The following EPHA6 variants were observed in gnomAD, a reference collection of about 807,000 sequenced individuals.
EPHA6 encodes ephrin type-A receptor 6.
EPHA6 carries 50 observed loss-of-function variants against 112.0 expected under a neutral mutation model. The observed-to-expected ratio is 0.45, with a 90% CI of 0.36 to 0.56. The LOEUF is 0.56. Among genes scored for constraint, EPHA6 ranks in the 20% least tolerant of loss-of-function variants. EPHA6 has a pLI of 0.00. For synonymous variants in EPHA6, 529 were observed against 490.7 expected, an observed-to-expected ratio of 1.08 and a Z score of -1.03; for missense variants, 1,280 against 1,417.4, an observed-to-expected ratio of 0.90 and a Z score of 1.56.
intron 3 of EPHA6, among the ~76,000 whole-genome samples, chr3:97,037,102 A>C (rs577327553): frequency 6.6e-6 from 1 of 152,092 alleles, no homozygotes; most frequent in African/African-American, 2.4e-5. Context: ...AACAAACTAG[A>C]TGGTAAATTT....
intron 3 of EPHA6, among the ~76,000 whole-genome samples, chr3:97,072,909 T>C (rs2046403849): frequency 6.6e-6 from 1 of 152,124 alleles, no homozygotes; most frequent in Non-Finnish European, 1.5e-5. Flanking sequence ...AAATTAAATA[T>C]GAGTTTTTCT....
chr3:97,299,316 G>T (rs1274618344), intron 5 of EPHA6, among the ~76,000 whole-genome samples: 1 of 151,618 alleles, frequency 6.6e-6, no homozygotes, highest in East Asian at 1.9e-4. Flanking sequence ...CCATATGAGA[G>T]CATATTTCTT....
intron 2 of EPHA6, among the ~76,000 whole-genome samples, chr3:96,958,047 C>T (rs2041825760): frequency 6.6e-6 from 1 of 152,148 alleles, no homozygotes; most frequent in Non-Finnish European, 1.5e-5. Context: ...CTCAACTACT[C>T]ATTGAATATT....
chr3:97,412,013 A>G (rs1167067787), intron 6 of EPHA6, among the ~76,000 whole-genome samples: 1 of 152,014 alleles, frequency 6.6e-6, no homozygotes, highest in Admixed American at 6.6e-5. Flanking sequence ...CTGATTTCAG[A>G]GGAGGAGGGC....
At chr3:97,284,834 T>C (rs2080411826) in intron 5 of EPHA6, among the ~76,000 whole-genome samples, 2 of 152,290 alleles carry the variant, frequency 1.3e-5, no homozygotes, top group South Asian at 4.1e-4. Context: ...ACCAGTGCAA[T>C]AATTAAAATA....
intron 3 of EPHA6, among the ~76,000 whole-genome samples, chr3:97,174,733 G>A (rs920745389): frequency 6.6e-6 from 1 of 151,642 alleles, no homozygotes; most frequent in Non-Finnish European, 1.5e-5. Context: ...CCCATGTGTT[G>A]ATCAGATTAT....
Position 97,474,305 on chromosome 3 carries a change from T to A in EPHA6, c.1895-1047T>A, listed in dbSNP as rs139780212. Among the ~76,000 whole-genome samples, 30 of 152,014 alleles carry A rather than the reference T, an allele frequency of 2.0e-4. 1 individual carries two copies. In the East Asian group the frequency reaches 5.8e-3, roughly 29 times the overall value. On this transcript the variant is annotated intron_variant, in intron 7 of 17. Coordinates refer to ENST00000389672, the MANE Select transcript of EPHA6 (RefSeq NM_001080448.3). The stretch of plus-strand genomic sequence containing the variant: ...TTTCTCCAATAGCTGATAAGATTAA[T>A]AGATATTATTTATTTTCAGTAGTCA...
At chr3:97,137,963 A>T (rs369190751) in intron 3 of EPHA6, among the ~76,000 whole-genome samples, 1 of 152,050 alleles carries the variant, frequency 6.6e-6, no homozygotes, top group Non-Finnish European at 1.5e-5. Context: ...AGGAACCAAA[A>T]TATCACATAA....
intron 3 of EPHA6, among the ~76,000 whole-genome samples, chr3:97,215,247 T>C (rs2077999363): frequency 6.6e-6 from 1 of 152,200 alleles, no homozygotes; most frequent in South Asian, 2.1e-4. Flanking sequence ...CAATATATAG[T>C]CTAACCACTC....
chr3:97,620,455 G>T (rs2093804645), intron 13 of EPHA6, among the ~76,000 whole-genome samples: 1 of 151,964 alleles, frequency 6.6e-6, no homozygotes, highest in East Asian at 1.9e-4. Context: ...CATAGCAAAA[G>T]AAACTATTAT....
chr3:97,660,675 A>C (rs1468583587), intron 14 of EPHA6, among the ~76,000 whole-genome samples: 1 of 152,130 alleles, frequency 6.6e-6, no homozygotes, highest in Non-Finnish European at 1.5e-5. Flanking sequence ...AGGGCCCACC[A>C]GTACAGACAT....
intron 5 of EPHA6, among the ~76,000 whole-genome samples, chr3:97,327,070 T>A (rs1291054291): frequency 6.6e-6 from 1 of 152,018 alleles, no homozygotes; most frequent in Non-Finnish European, 1.5e-5. Flanking sequence ...ATGAGGGAGG[T>A]TAAGCCTGAA....
chr3:97,493,496 C>A (rs2091902374), intron 10 of EPHA6, among the ~76,000 whole-genome samples: 1 of 152,072 alleles, frequency 6.6e-6, no homozygotes. Flanking sequence ...CAGTCTTTAT[C>A]AGATTAGGGT....
At chr3:97,024,656 T>C (rs1228228685) in intron 3 of EPHA6, among the ~76,000 whole-genome samples, 1 of 152,218 alleles carries the variant, frequency 6.6e-6, no homozygotes, top group Non-Finnish European at 1.5e-5. Flanking sequence ...TTACATGGTT[T>C]TTTTAACTCA....
chr3:97,167,761 A>T (rs74366371), intron 3 of EPHA6, among the ~76,000 whole-genome samples: 14,269 of 152,034 alleles, frequency 0.094, 1,076 homozygotes, highest in Admixed American at 0.22. Context: ...TATATAGCGT[A>T]TTTAAAATAA....
chr3:97,434,370 G>A (rs994055127), intron 6 of EPHA6, among the ~76,000 whole-genome samples: 1 of 151,984 alleles, frequency 6.6e-6, no homozygotes, highest in African/African-American at 2.4e-5. Flanking sequence ...GTATGAAAGT[G>A]TTCATATTAA....
At chr3:97,483,232 C>T (rs1462960739) in intron 9 of EPHA6, among the ~76,000 whole-genome samples, 1 of 152,226 alleles carries the variant, frequency 6.6e-6, no homozygotes, top group Non-Finnish European at 1.5e-5. Context: ...ATCATCCTAA[C>T]TGCCTGTAGG....
intron 14 of EPHA6, among the ~76,000 whole-genome samples, chr3:97,678,502 T>C (rs2031592774): frequency 6.6e-6 from 1 of 152,160 alleles, no homozygotes; most frequent in Non-Finnish European, 1.5e-5. Flanking sequence ...GTTCCTGCTA[T>C]TCTTAATGCA....
At chr3:97,107,972 A>G (rs906566179) in intron 3 of EPHA6, among the ~76,000 whole-genome samples, 2 of 152,208 alleles carry the variant, frequency 1.3e-5, no homozygotes, top group Admixed American at 6.5e-5. Flanking sequence ...ATGAAACTAC[A>G]TGATACTATT....
Sources: gnomAD v4.1 joint callset for allele counts (sites outside exome capture counted in the v4.1 genomes callset) on GRCh38, gnomAD v4.1.1 for gene constraint, MANE v1.5 for transcripts, NCBI Gene and HGNC (gene_info 2026-07-23, HGNC 2026-07-21) for gene names.